Variants in PRKG1 observed in about 807,000 individuals in gnomAD.
The protein encoded by PRKG1 is cGMP-dependent protein kinase 1.
Under a neutral mutation model 88.1 loss-of-function variants are expected in PRKG1, and 35 were observed. The ratio of observed to expected loss-of-function variants is 0.40; its 90% confidence interval spans 0.30 to 0.53. The LOEUF (loss-of-function observed/expected upper bound fraction) is 0.53, where lower values mean the gene tolerates loss of function less well. PRKG1 is among the 20% of genes least tolerant of loss of function. The probability of loss-of-function intolerance (pLI) is 0.59; values close to 1 mark genes in which losing one functional copy is unlikely to be tolerated. For missense variants in PRKG1, 540 were observed against 839.8 expected, an observed-to-expected ratio of 0.64 and a Z score of 4.41; for synonymous variants, 303 against 292.5, an observed-to-expected ratio of 1.04 and a Z score of -0.37.
intron 1 of PRKG1, among the ~76,000 whole-genome samples, chr10:51,075,793 A>C (rs562866389): frequency 7.0e-4 from 107 of 152,330 alleles, no homozygotes; most frequent in African/African-American, 2.4e-3. Context: ...CATAACTTGG[A>C]TGGGAAAAAT....
At chr10:51,836,453 C>A (rs1234241917) in intron 4 of PRKG1, among the ~76,000 whole-genome samples, 1 of 151,844 alleles carries the variant, frequency 6.6e-6, no homozygotes, top group African/African-American at 2.4e-5. Context: ...CATTTGTTGC[C>A]CGTGTTTTGG....
At chr10:51,109,917 T>C (rs1295255078) in intron 1 of PRKG1, among the ~76,000 whole-genome samples, 6 of 152,020 alleles carry the variant, frequency 3.9e-5, no homozygotes, top group Non-Finnish European at 7.4e-5. Context: ...AATTGGCAAA[T>C]GTTTAAACAG....
chr10:51,635,198 C>A (rs952849312), intron 3 of PRKG1, among the ~76,000 whole-genome samples: 1 of 146,446 alleles, frequency 6.8e-6, no homozygotes, highest in Non-Finnish European at 1.5e-5. Context: ...CTATTAGAAT[C>A]AACTAATATA....
At chr10:51,423,126 T>C (rs370025904) in intron 2 of PRKG1, among the ~76,000 whole-genome samples, 10 of 152,170 alleles carry the variant, frequency 6.6e-5, no homozygotes, top group African/African-American at 2.2e-4. Flanking sequence ...AGCAGAGTTA[T>C]ATTTCTCTAT....
chr10:52,109,504 C>T (rs1003569329), intron 7 of PRKG1, among the ~76,000 whole-genome samples: 3 of 152,170 alleles, frequency 2.0e-5, no homozygotes, highest in Non-Finnish European at 4.4e-5. Context: ...TGGTGGCTCA[C>T]GCCTGTAATC....
chr10:52,222,719 AAT>A (rs1840277400), intron 9 of PRKG1, among the ~76,000 whole-genome samples: 1 of 152,226 alleles, frequency 6.6e-6, no homozygotes, highest in Non-Finnish European at 1.5e-5. Context: ...GTAACAATTA[AAT>A]GACAATAAGT....
At chr10:51,632,181 T>G (rs1839544377) in intron 3 of PRKG1, among the ~76,000 whole-genome samples, 1 of 152,158 alleles carries the variant, frequency 6.6e-6, no homozygotes, top group Non-Finnish European at 1.5e-5. Context: ...GTTCTTCTTC[T>G]TCTAATATGG....
chr10:51,475,198 A>G (rs1840156973), intron 3 of PRKG1, among the ~76,000 whole-genome samples: 1 of 151,954 alleles, frequency 6.6e-6, no homozygotes, highest in South Asian at 2.1e-4. Flanking sequence ...TAAGGCTCTT[A>G]ATATGCCTAC....
chr10:51,418,034 A>G (rs1838292957), intron 2 of PRKG1, among the ~76,000 whole-genome samples: 1 of 152,174 alleles, frequency 6.6e-6, no homozygotes, highest in Non-Finnish European at 1.5e-5. Context: ...TACCCTTCGC[A>G]GTTTCTATTA....
At chr10:51,791,114 C>T (rs764472073) in intron 3 of PRKG1, among the ~76,000 whole-genome samples, 1 of 151,990 alleles carries the variant, frequency 6.6e-6, no homozygotes, top group Non-Finnish European at 1.5e-5. Context: ...ACTATCTGGT[C>T]GATTCATTCA....
intron 3 of PRKG1, among the ~76,000 whole-genome samples, chr10:51,661,093 G>A (rs1161449811): frequency 6.6e-6 from 1 of 152,042 alleles, no homozygotes; most frequent in African/African-American, 2.4e-5. Context: ...AACTGAGTGA[G>A]TCCATATATA....
intron 3 of PRKG1, among the ~76,000 whole-genome samples, chr10:51,547,020 G>A (rs919660141): frequency 1.4e-5 from 2 of 145,124 alleles, no homozygotes; most frequent in Admixed American, 7.2e-5. Flanking sequence ...GTGACCAATA[G>A]CATTGCTTAT....
At chr10:51,180,040 C>A (rs1837304191) in intron 2 of PRKG1, among the ~76,000 whole-genome samples, 1 of 152,156 alleles carries the variant, frequency 6.6e-6, no homozygotes, top group African/African-American at 2.4e-5. Flanking sequence ...CATATCTGTT[C>A]TTTTGATCTA....
chr10:51,222,450 A>G (rs1324994776), intron 2 of PRKG1, among the ~76,000 whole-genome samples: 3 of 152,080 alleles, frequency 2.0e-5, no homozygotes, highest in African/African-American at 7.2e-5. Context: ...GGGATTTTCT[A>G]ATTTGCCTAT....
intron 16 of PRKG1, 39 bp downstream of exon 16, chr10:52,289,032 C>T: frequency 1.3e-6 from 2 of 1,549,152 alleles, no homozygotes; most frequent in South Asian, 1.2e-5. Context: ...CACGTGACAT[C>T]ATTTCCCCAG....
In PRKG1 at chr10:50,994,018, G is replaced by C. The variant is rs184713965; in HGVS notation, c.266+2374G>C. ...TTTGTGTCTATAGCAAATAGCTGGA[G>C]TACTTTTCTACTTCCTCTCTGTGCT... On this transcript the variant is annotated intron_variant, in intron 1 of 17. Transcript: ENST00000401604. 1.0e-3 allele frequency among the ~76,000 whole-genome samples: 159 copies of C among 152,290 alleles called. 3 individuals are homozygous for C. The South Asian group carries it at 0.019, about 18-fold the overall frequency.
At chr10:52,271,565 GCTCA>G in intron 11 of PRKG1, 76 bp downstream of exon 11, 1 of 1,516,394 alleles carries the variant, frequency 6.6e-7, no homozygotes, top group Non-Finnish European at 9.0e-7. Flanking sequence ...TGCCACTTGT[GCTCA>G]CTGTTAACAC....
intron 1 of PRKG1, among the ~76,000 whole-genome samples, chr10:51,053,517 G>A (rs985361855): frequency 6.6e-6 from 1 of 152,074 alleles, no homozygotes; most frequent in African/African-American, 2.4e-5. Flanking sequence ...GTCCTCAGAG[G>A]TATACATGCA....
intron 2 of PRKG1, among the ~76,000 whole-genome samples, chr10:51,220,918 A>G (rs1331019933): frequency 6.6e-6 from 1 of 151,972 alleles, no homozygotes; most frequent in Non-Finnish European, 1.5e-5. Context: ...GGAATAAGAA[A>G]CATTTTTCTG....
Sources: allele counts gnomAD v4.1 joint callset (sites outside exome capture counted in the v4.1 genomes callset), GRCh38; gene constraint gnomAD v4.1.1; transcripts MANE v1.5; gene names NCBI Gene and HGNC (gene_info 2026-07-23, HGNC 2026-07-21).